RPTOR: variants seen among roughly 807,000 people sequenced by gnomAD.
RPTOR encodes regulatory associated protein of MTOR complex 1.
RPTOR carries 21 observed loss-of-function variants against 169.9 expected under a neutral mutation model. The observed-to-expected ratio is 0.12, with a 90% CI of 0.09 to 0.18. RPTOR has a LOEUF of 0.18. Among genes scored for constraint, RPTOR ranks in the 10% least tolerant of loss-of-function variants. RPTOR has a pLI of 1.00. For synonymous variants in RPTOR, 732 were observed against 753.2 expected (o/e 0.97, Z 0.46); for missense variants, 1,133 against 1,855.9 (o/e 0.61, Z 7.16).
intron 5 of RPTOR, among the ~76,000 whole-genome samples, chr17:80,736,679 G>T (rs950436908): frequency 6.6e-6 from 1 of 152,170 alleles, no homozygotes. Flanking sequence ...ACACTGCTTG[G>T]CTGGCATGGA....
intron 1 of RPTOR, among the ~76,000 whole-genome samples, chr17:80,551,622 T>C (rs1345164219): frequency 6.6e-6 from 1 of 152,262 alleles, no homozygotes; most frequent in Admixed American, 6.5e-5. Flanking sequence ...TCTCAGTAGA[T>C]GGAACGTACA....
chr17:80,964,183 G>A (rs969258665), intron 33 of RPTOR, 79 bp from the exon 34 acceptor site: 31 of 1,146,138 alleles, frequency 2.7e-5, no homozygotes, highest in African/African-American at 7.5e-5. Flanking sequence ...CTAAGGATGC[G>A]GGTTGGCCTG....
intron 21 of RPTOR, among the ~76,000 whole-genome samples, chr17:80,918,530 ATAGCCATGAGCACCCTCACGGG>A (rs2068706826): frequency 2.9e-5 from 2 of 68,830 alleles, no homozygotes; most frequent in Non-Finnish European, 6.5e-5. Context: ...CGCGGGGGTC[ATAGCCATGAGCACCCTCACGGG>A]GGTCATAGCC....
In RPTOR at chr17:80,838,003, T is replaced by C; in HGVS notation, c.1212+6T>C. ...AGGAAGGCACTGCGTTTCGGGTGAG[T>C]CCCTCCAAGGGCACCCTGTGCATCC... On this transcript the variant is annotated splice_donor_region_variant and intron_variant, in intron 10 of 33. Transcript: ENST00000306801. The C allele has an allele frequency of 6.2e-7, 1 of 1,605,270 alleles. No individual in the cohort carries two copies. Among genetic ancestry groups the C allele is most frequent in the Non-Finnish European group, 8.5e-7 (1 of 1,175,604 alleles).
chr17:80,750,161 G>T (rs2066617242), intron 5 of RPTOR, among the ~76,000 whole-genome samples: 1 of 152,130 alleles, frequency 6.6e-6, no homozygotes, highest in African/African-American at 2.4e-5. Flanking sequence ...TATATAAAAA[G>T]AAAACCTAAA....
intron 1 of RPTOR, among the ~76,000 whole-genome samples, chr17:80,588,053 C>T (rs188608175): frequency 6.6e-6 from 1 of 152,042 alleles, no homozygotes; most frequent in East Asian, 1.9e-4. Context: ...TTTCACTTAA[C>T]GTAATGTCCT....
At chr17:80,832,345 C>T (rs990331277) in intron 9 of RPTOR, among the ~76,000 whole-genome samples, 1 of 152,200 alleles carries the variant, frequency 6.6e-6, no homozygotes, top group South Asian at 2.1e-4. Flanking sequence ...GCAACATTCC[C>T]GCAGGTGGGA....
chr17:80,675,393 A>C (rs1296933640), intron 3 of RPTOR, among the ~76,000 whole-genome samples: 1 of 152,182 alleles, frequency 6.6e-6, no homozygotes, highest in Non-Finnish European at 1.5e-5. Flanking sequence ...GAGGTTTTCT[A>C]TCACACCCGG....
chr17:80,881,965 C>T (rs2068190799), intron 14 of RPTOR, among the ~76,000 whole-genome samples: 1 of 152,210 alleles, frequency 6.6e-6, no homozygotes, highest in African/African-American at 2.4e-5. Context: ...TCCTACTCAT[C>T]CTCAGAAACG....
intron 4 of RPTOR, among the ~76,000 whole-genome samples, chr17:80,711,207 T>C (rs2066187274): frequency 6.6e-6 from 1 of 152,220 alleles, no homozygotes; most frequent in Admixed American, 6.5e-5. Flanking sequence ...GCTGGGTATA[T>C]GTGCCTTCTC....
chr17:80,609,270 T>G lies in RPTOR; in HGVS notation c.163-16421T>G, dbSNP rs981391060. 6.6e-6 allele frequency among the ~76,000 whole-genome samples: 1 copy of G among 152,096 alleles called. No homozygotes were observed. The highest frequency in any genetic ancestry group is 1.5e-5 in the Non-Finnish European group (1 of 67,994). Reference sequence around the variant, plus strand: ...GAGCAGCGCAGGTCGGAAGAGGCATTTGGAAATGACACGCTCTGTCCAGGA... The same window carrying G: ...GAGCAGCGCAGGTCGGAAGAGGCATGTGGAAATGACACGCTCTGTCCAGGA... On this transcript the variant is annotated intron_variant, in intron 1 of 33. Transcript: ENST00000306801. This position sits in a 1 kb window ranked among gnomAD's most constrained non-coding sequence, Gnocchi z 4.8.
chr17:80,598,356 G>C (rs1250305536), intron 1 of RPTOR, among the ~76,000 whole-genome samples: 1 of 152,144 alleles, frequency 6.6e-6, no homozygotes, highest in African/African-American at 2.4e-5. Context: ...GAAGTGGTGG[G>C]GTGTGGGGCA....
Position 80,857,822 on chromosome 17 carries a change from G to A in RPTOR, c.1431G>A (p.Leu477=), listed in dbSNP as rs1402528365. 2 of 1,612,282 alleles carry A rather than the reference G, an allele frequency of 1.2e-6. No individual in the cohort carries two copies. The highest frequency in any genetic ancestry group is 1.3e-5 in the African/African-American group (1 of 74,906). Residue 477 remains leucine (L), a synonymous_variant, in exon 13 of 34, where the codon CTG becomes CTA. Transcript: ENST00000306801. The stretch of plus-strand genomic sequence containing the variant: ...CTGTCGGCATCTTCCCCTACGTGCT[G>A]AAGCTGCTCCAGAGCTCGGCCCGAG... ...ALSVGIFPYV[L]KLLQSSAREL... is the part of the protein sequence containing the mutation.
intron 4 of RPTOR, among the ~76,000 whole-genome samples, chr17:80,715,441 C>T (rs2066231553): frequency 6.6e-6 from 1 of 152,228 alleles, no homozygotes; most frequent in South Asian, 2.1e-4. Context: ...CCATGCCAGG[C>T]ATTTAATCCC....
chr17:80,921,476 G>A (rs1234425258), intron 21 of RPTOR, among the ~76,000 whole-genome samples: 3 of 152,230 alleles, frequency 2.0e-5, no homozygotes, highest in Admixed American at 1.3e-4. Context: ...GGGCCCTCGC[G>A]AGGTCATGTC....
At position 80,844,065 on chromosome 17, in the gene RPTOR, G is replaced by A. The variant is rs924667264; in HGVS notation, c.1213-2408G>A. On this transcript the variant is annotated intron_variant, in intron 10 of 33. Transcript: ENST00000306801. This position sits in a 1 kb window ranked among gnomAD's most constrained non-coding sequence, Gnocchi z 4.7. ...CCTGCACGCAGGGGCCAGCTCAGGA[G>A]CTCTTCATGGGGTGGAGAAAATCTC... 3.3e-5 allele frequency among the ~76,000 whole-genome samples: 5 copies of A among 152,190 alleles called. No individual in the cohort carries two copies. Among genetic ancestry groups the A allele is most frequent in the African/African-American group, 1.2e-4 (5 of 41,456 alleles).
Position 80,746,774 on chromosome 17 carries a change from G to T in RPTOR, c.655-7236G>T, listed in dbSNP as rs1228237773. On this transcript the variant is annotated intron_variant, in intron 5 of 33. Transcript: ENST00000306801. The surrounding 1 kb of genome is among the most constrained non-coding windows in gnomAD (Gnocchi z 4.5). ...TCTGAAAGATAGTTTCAATTACGGG[G>T]TCAATATCTTAGGTAGATGCAAAAC... is the stretch of plus-strand genomic sequence containing the variant. 6.6e-6 allele frequency among the ~76,000 whole-genome samples: 1 copy of T among 152,082 alleles called. No individual in the cohort carries two copies. Among genetic ancestry groups the T allele is most frequent in the Admixed American group, 6.5e-5 (1 of 15,272 alleles).
intron 21 of RPTOR, among the ~76,000 whole-genome samples, chr17:80,919,385 T>C (rs1490699248): frequency 1.3e-5 from 2 of 152,118 alleles, no homozygotes; most frequent in Non-Finnish European, 2.9e-5. Flanking sequence ...CACACATGAA[T>C]CCAGATCCTC....
intron 5 of RPTOR, among the ~76,000 whole-genome samples, chr17:80,738,225 C>A (rs949116684): frequency 1.3e-5 from 2 of 152,216 alleles, no homozygotes; most frequent in Admixed American, 6.5e-5. Context: ...AGGCCTCAGC[C>A]TGTGGACACC....
Sources: allele counts gnomAD v4.1 joint callset (sites outside exome capture counted in the v4.1 genomes callset), GRCh38; gene constraint gnomAD v4.1.1; non-coding constraint Gnocchi (gnomAD v3.1); transcripts MANE v1.5; gene names NCBI Gene and HGNC (gene_info 2026-07-23, HGNC 2026-07-21).